Variants in DGKI observed in about 807,000 individuals in gnomAD.
The protein encoded by DGKI is diacylglycerol kinase iota.
DGKI carries 55 observed loss-of-function variants against 147.5 expected under a neutral mutation model. The ratio of observed to expected loss-of-function variants is 0.37; its 90% CI spans 0.30 to 0.47. The LOEUF is 0.47. Ranked by LOEUF, DGKI falls within the 20% of genes least tolerant of loss-of-function variation. The probability of loss-of-function intolerance (pLI) is 1.00; values close to 1 mark genes in which losing one functional copy is unlikely to be tolerated. For missense variants in DGKI, 1,007 were observed against 1,323.8 expected (o/e 0.76, Z 3.71); for synonymous variants, 469 against 477.1 (o/e 0.98, Z 0.22).
intron 17 of DGKI, among the ~76,000 whole-genome samples, chr7:137,575,281 T>A (rs993139643): frequency 6.6e-6 from 1 of 152,184 alleles, no homozygotes; most frequent in Non-Finnish European, 1.5e-5. Context: ...ATATTACATA[T>A]ATAGGCTGAT....
At chr7:137,476,632 T>C (rs1182364910) in intron 23 of DGKI, among the ~76,000 whole-genome samples, 1 of 152,216 alleles carries the variant, frequency 6.6e-6, no homozygotes, top group African/African-American at 2.4e-5. Flanking sequence ...TTTTAACCCA[T>C]AATCTTCTAT....
At chr7:137,839,069 A>G (rs1223606738) in intron 1 of DGKI, among the ~76,000 whole-genome samples, 2 of 152,108 alleles carry the variant, frequency 1.3e-5, no homozygotes, top group Non-Finnish European at 2.9e-5. Flanking sequence ...GACCCCTCTC[A>G]CCCACCCCTC....
At chr7:137,523,434 TTC>T (rs372390366) in intron 20 of DGKI, among the ~76,000 whole-genome samples, 206 of 149,878 alleles carry the variant, frequency 1.4e-3, no homozygotes, top group African/African-American at 4.4e-3. Context: ...CTCTCTCTCT[TTC>T]TCTCTCTCTC....
chr7:137,393,540 G>A (rs1273560193), intron 32 of DGKI, among the ~76,000 whole-genome samples: 2 of 152,192 alleles, frequency 1.3e-5, no homozygotes, highest in African/African-American at 4.8e-5. Context: ...TAAGTTGTGT[G>A]TTTCTCAATC....
At chr7:137,471,349 T>C (rs558954742) in intron 23 of DGKI, among the ~76,000 whole-genome samples, 1 of 152,126 alleles carries the variant, frequency 6.6e-6, no homozygotes, top group Non-Finnish European at 1.5e-5. Flanking sequence ...GTGGATGATC[T>C]TGTGTGTACA....
chr7:137,590,918 A>C (rs1471255412), intron 12 of DGKI, among the ~76,000 whole-genome samples: 1 of 152,188 alleles, frequency 6.6e-6, no homozygotes, highest in Non-Finnish European at 1.5e-5. Flanking sequence ...GGCTGCCCCC[A>C]AACTCCTGAG....
intron 1 of DGKI, among the ~76,000 whole-genome samples, chr7:137,757,927 A>G (rs528294970): frequency 2.3e-4 from 35 of 152,330 alleles, no homozygotes; most frequent in Non-Finnish European, 7.4e-5. Flanking sequence ...CACTCTTTCC[A>G]ACTTTGAGAG....
At chr7:137,698,701 C>G (rs1056425489) in intron 1 of DGKI, among the ~76,000 whole-genome samples, 1 of 152,122 alleles carries the variant, frequency 6.6e-6, no homozygotes, top group Non-Finnish European at 1.5e-5. Flanking sequence ...ATATGCATAG[C>G]AAGTTTATGA....
intron 21 of DGKI, among the ~76,000 whole-genome samples, chr7:137,508,787 T>C (rs919504190): frequency 3.9e-5 from 6 of 151,928 alleles, no homozygotes; most frequent in Non-Finnish European, 8.8e-5. Flanking sequence ...TTATTGGTAA[T>C]AAGAGACAAT....
At chr7:137,592,303 G>A (rs759152058) in intron 12 of DGKI, among the ~76,000 whole-genome samples, 22 of 152,162 alleles carry the variant, frequency 1.4e-4, no homozygotes, top group Non-Finnish European at 2.2e-4. Context: ...TTTTCCACCA[G>A]AACTGAAGAA....
chr7:137,511,067 C>A (rs1254567267), intron 21 of DGKI, among the ~76,000 whole-genome samples: 1 of 152,138 alleles, frequency 6.6e-6, no homozygotes, highest in Non-Finnish European at 1.5e-5. Context: ...AGTTTTTATC[C>A]ACGTAACTAG....
At chr7:137,677,103 A>G (rs1823062476) in intron 3 of DGKI, among the ~76,000 whole-genome samples, 3 of 152,218 alleles carry the variant, frequency 2.0e-5, no homozygotes, top group Admixed American at 2.0e-4. Context: ...CAAACAGCTG[A>G]GCTTCTCATG....
At chr7:137,695,747 C>T (rs1823759567) in intron 1 of DGKI, among the ~76,000 whole-genome samples, 1 of 152,190 alleles carries the variant, frequency 6.6e-6, no homozygotes, top group African/African-American at 2.4e-5. Flanking sequence ...CTTTTCTATA[C>T]TACTTCTCTA....
At chr7:137,625,729 C>A (rs1363485734) in intron 6 of DGKI, among the ~76,000 whole-genome samples, 1 of 143,430 alleles carries the variant, frequency 7.0e-6, no homozygotes, top group Non-Finnish European at 1.5e-5. Context: ...AAGACCTTAT[C>A]TCTATATTAA....
At chr7:137,433,915 C>T (rs1450443394) in intron 28 of DGKI, among the ~76,000 whole-genome samples, 4 of 151,738 alleles carry the variant, frequency 2.6e-5, no homozygotes, top group East Asian at 2.0e-4. Context: ...GTCAGGAGTT[C>T]GAGACCAGCC....
At chr7:137,694,891 C>T (rs988539620) in intron 1 of DGKI, among the ~76,000 whole-genome samples, 3 of 152,092 alleles carry the variant, frequency 2.0e-5, no homozygotes, top group African/African-American at 4.8e-5. Context: ...ACAAACTGTG[C>T]GTAATTATTT....
intron 1 of DGKI, among the ~76,000 whole-genome samples, chr7:137,845,664 T>A (rs929011722): frequency 4.6e-5 from 7 of 152,182 alleles, no homozygotes; most frequent in Non-Finnish European, 1.0e-4. Flanking sequence ...TGGATTCTAA[T>A]ACAATGTGGG....
At chr7:137,519,547 G>C (rs1816893036) in intron 21 of DGKI, among the ~76,000 whole-genome samples, 1 of 152,040 alleles carries the variant, frequency 6.6e-6, no homozygotes, top group African/African-American at 2.4e-5. Context: ...TACATTCCTA[G>C]AGTCCCTTTT....
At chr7:137,512,385 C>T (rs1210455637) in intron 21 of DGKI, among the ~76,000 whole-genome samples, 7 of 151,978 alleles carry the variant, frequency 4.6e-5, no homozygotes, top group Non-Finnish European at 1.0e-4. Flanking sequence ...CTGCAATGGC[C>T]AACACTGCAC....
Sources: allele counts gnomAD v4.1 joint callset (sites outside exome capture counted in the v4.1 genomes callset), GRCh38; gene constraint gnomAD v4.1.1; transcripts MANE v1.5; gene names NCBI Gene and HGNC (gene_info 2026-07-23, HGNC 2026-07-21).